The following MAMDC2 variants were observed in gnomAD, a reference collection of about 807,000 sequenced individuals.
MAMDC2 encodes MAM domain-containing protein 2.
In MAMDC2, 57 loss-of-function variants were observed where a neutral mutation model predicts 89.8. The ratio of observed to expected loss-of-function variants is 0.63; its 90% CI spans 0.51 to 0.79. The LOEUF (loss-of-function observed/expected upper bound fraction) is 0.79. MAMDC2 is among the 30% of genes least tolerant of loss of function. The pLI is 0.00. For missense variants in MAMDC2, 800 were observed against 820.6 expected, an observed-to-expected ratio of 0.97 and a Z score of 0.31; for synonymous variants, 313 against 293.4, an observed-to-expected ratio of 1.07 and a Z score of -0.68.
chr9:70,142,084 T>G (rs1367720640), intron 8 of MAMDC2, among the ~76,000 whole-genome samples: 1 of 152,226 alleles, frequency 6.6e-6, no homozygotes, highest in African/African-American at 2.4e-5. Context: ...TGGCATGTTC[T>G]GATCCCCTTC....
chr9:70,052,586 G>A (rs1350730768), intron 2 of MAMDC2, among the ~76,000 whole-genome samples: 2 of 152,140 alleles, frequency 1.3e-5, no homozygotes, highest in African/African-American at 2.4e-5. Context: ...CTCCTGATAA[G>A]AGTCCCCACC....
At chr9:70,141,770 A>C (rs1195056729) in intron 8 of MAMDC2, among the ~76,000 whole-genome samples, 2 of 152,152 alleles carry the variant, frequency 1.3e-5, no homozygotes, top group Non-Finnish European at 2.9e-5. Context: ...CAGGGGGCTT[A>C]AGTTTCCAGG....
chr9:70,078,926 C>G (rs1253802482), intron 2 of MAMDC2, among the ~76,000 whole-genome samples: 1 of 152,138 alleles, frequency 6.6e-6, no homozygotes, highest in Non-Finnish European at 1.5e-5. Context: ...GGAATTCTAC[C>G]TCCTTAGGAA....
At chr9:70,105,089 T>C (rs1214284218) in intron 2 of MAMDC2, among the ~76,000 whole-genome samples, 2 of 152,184 alleles carry the variant, frequency 1.3e-5, no homozygotes, top group Non-Finnish European at 2.9e-5. Context: ...TATTCTAGAA[T>C]AGCAATTTTC....
At chr9:70,076,473 T>C (rs1358137026) in intron 2 of MAMDC2, among the ~76,000 whole-genome samples, 4 of 151,760 alleles carry the variant, frequency 2.6e-5, no homozygotes, top group African/African-American at 7.3e-5. Context: ...CCCTAGGCAA[T>C]GGATCCTGTT....
At chr9:70,204,777 G>T (rs1313337383) in intron 11 of MAMDC2, among the ~76,000 whole-genome samples, 2 of 152,008 alleles carry the variant, frequency 1.3e-5, no homozygotes, top group Non-Finnish European at 1.5e-5. Context: ...TTTTTAAGCC[G>T]GTCTGAAAAG....
chr9:70,197,142 T>G (rs1292402754), intron 11 of MAMDC2, among the ~76,000 whole-genome samples: 1 of 152,134 alleles, frequency 6.6e-6, no homozygotes, highest in African/African-American at 2.4e-5. Context: ...TGCCTTGTAT[T>G]TGATCACATT....
chr9:70,107,891 A>C (rs1386525351), intron 2 of MAMDC2, among the ~76,000 whole-genome samples: 2 of 152,204 alleles, frequency 1.3e-5, no homozygotes, highest in East Asian at 3.9e-4. Flanking sequence ...CCTGGTGTAA[A>C]AGAATAAAAA....
chr9:70,180,690 G>A (rs4322072), intron 11 of MAMDC2, among the ~76,000 whole-genome samples: 119,280 of 152,114 alleles, frequency 0.78, 46,899 homozygotes, highest in Admixed American at 0.83. Flanking sequence ...CATATCCTTC[G>A]GCCACTTTTT....
chr9:70,143,437 T>C, intron 8 of MAMDC2, 117 bp from the exon 9 acceptor site: 1 of 1,153,486 alleles, frequency 8.7e-7, no homozygotes, highest in Middle Eastern at 2.3e-4. Context: ...ATGCTTTCTA[T>C]CATTTAAAGC....
intron 2 of MAMDC2, among the ~76,000 whole-genome samples, chr9:70,070,775 C>T (rs985956219): frequency 2.6e-5 from 4 of 152,066 alleles, no homozygotes; most frequent in African/African-American, 7.2e-5. Flanking sequence ...ACTGTCTTAT[C>T]CCATTTCTTA....
At chr9:70,056,171 A>C (rs934408093) in intron 2 of MAMDC2, among the ~76,000 whole-genome samples, 2 of 152,364 alleles carry the variant, frequency 1.3e-5, no homozygotes, top group Non-Finnish European at 1.5e-5. Flanking sequence ...CCAATATTTT[A>C]TGACCAAAAC....
chr9:70,160,726 G>C (rs1479125839), intron 9 of MAMDC2, among the ~76,000 whole-genome samples: 1 of 152,298 alleles, frequency 6.6e-6, no homozygotes, highest in South Asian at 2.1e-4. Context: ...GGGAAGAGCT[G>C]CTGTGGAAAG....
chr9:70,049,486 G>T (rs1563931118), intron 2 of MAMDC2, among the ~76,000 whole-genome samples: 2 of 152,126 alleles, frequency 1.3e-5, no homozygotes, highest in Admixed American at 6.5e-5. Flanking sequence ...TCTTCTTCCT[G>T]CAGACTACAG....
rs765042804 is a variant in MAMDC2, at chr9:70,216,083, T to C, written c.1652-2254T>C. Reference sequence around the variant, plus strand: ...CTATAAAGAAACCATTTAATTTGCATGTATTATTTGGGATCTCTTTATTTT... The same window carrying C: ...CTATAAAGAAACCATTTAATTTGCACGTATTATTTGGGATCTCTTTATTTT... On this transcript the variant is annotated intron_variant, in intron 11 of 13. Coordinates refer to ENST00000377182, the MANE Select transcript of MAMDC2 (RefSeq NM_153267.5). Among the ~76,000 whole-genome samples, 66 of 152,304 alleles carry C rather than the reference T, an allele frequency of 4.3e-4. No individual in the cohort carries two copies. In the Middle Eastern group the frequency reaches 0.01, roughly 24 times the overall value.
chr9:70,148,814 G>C (rs2031488077), intron 9 of MAMDC2, among the ~76,000 whole-genome samples: 1 of 149,946 alleles, frequency 6.7e-6, no homozygotes, highest in East Asian at 2.0e-4. Context: ...CGGATCATGA[G>C]GTCAGGAGAT....
chr9:70,054,609 A>C (rs1826986025), intron 2 of MAMDC2, among the ~76,000 whole-genome samples: 1 of 151,628 alleles, frequency 6.6e-6, no homozygotes, highest in South Asian at 2.1e-4. Context: ...TTGTTTTAGG[A>C]AGGGGGGACT....
At position 70,183,629 on chromosome 9, in the gene MAMDC2, G is replaced by A. The variant is rs370964855; in HGVS notation, c.1651+12998G>A. Among the ~76,000 whole-genome samples, 6 of 152,114 alleles carry A rather than the reference G, an allele frequency of 3.9e-5. No homozygotes were observed. In the South Asian group the frequency reaches 1.3e-3, roughly 32 times the overall value. On this transcript the variant is annotated intron_variant, in intron 11 of 13. Coordinates refer to ENST00000377182, the MANE Select transcript of MAMDC2 (RefSeq NM_153267.5). ...TTCTTTGTCTGTTTTGATCTTTGTT[G>A]GTTTAAAGTCTGTTTTATCAGAGAC...
intron 11 of MAMDC2, chr9:70,217,477 A>C: frequency 2.1e-6 from 3 of 1,449,820 alleles, no homozygotes; most frequent in Non-Finnish European, 2.9e-6. Context: ...GGCCAAGAGG[A>C]ATCAGAAACC....
Sources: gnomAD v4.1 joint callset for allele counts (sites outside exome capture counted in the v4.1 genomes callset) on GRCh38, gnomAD v4.1.1 for gene constraint, MANE v1.5 for transcripts, NCBI Gene and HGNC (gene_info 2026-07-23, HGNC 2026-07-21) for gene names.